The following SLIT1 variants were observed in gnomAD, a reference collection of about 807,000 sequenced individuals.
SLIT1 encodes the protein slit guidance ligand 1.
A neutral mutation model predicts 186.1 loss-of-function variants in SLIT1; 66 were observed. That is an observed-to-expected ratio of 0.35 (90% confidence interval 0.29 to 0.44). The LOEUF (loss-of-function observed/expected upper bound fraction) is 0.44, where lower values mean the gene tolerates loss of function less well. Ranked by LOEUF, SLIT1 falls within the 20% of genes least tolerant of loss-of-function variation. The pLI, the probability that SLIT1 is intolerant of heterozygous loss-of-function variation, is 1.00. For synonymous variants in SLIT1, 761 were observed against 833.8 expected (o/e 0.91, Z 1.50); for missense variants, 1,638 against 2,037.4 (o/e 0.80, Z 3.77).
rs765873383 is a variant in SLIT1 at position 97,046,511 on chromosome 10, A to G, written c.1853+143T>C. ...GTTGCCAACTTGATTACCTGTCCCA[A>G]CACAGTCAGGATCCTCAGTTCTCCC... On this transcript the variant is annotated intron_variant, in intron 18 of 36. Coordinates refer to ENST00000266058, the MANE Select transcript of SLIT1 (RefSeq NM_003061.3). 3.5e-4 allele frequency: 281 copies of G among 810,810 alleles called. 4 individuals carry two copies. The highest frequency in any genetic ancestry group is 2.4e-4 in the Admixed American group (8 of 34,000). The allele number at this position is 810,810 out of a possible 1,614,324, so 50.2% of individuals were successfully genotyped here. A position where few individuals can be genotyped will look rare whatever the true frequency, so the allele number is the denominator to read the frequency against.
intron 22 of SLIT1, 94 bp from the exon 23 acceptor site, chr10:97,034,636 C>T: frequency 1.7e-6 from 2 of 1,160,894 alleles, no homozygotes; most frequent in Non-Finnish European, 2.6e-6. Flanking sequence ...CTGCCCAGGG[C>T]CATTCCCCAG....
At chr10:97,072,869 A>C (rs936044369) in intron 4 of SLIT1, among the ~76,000 whole-genome samples, 3 of 152,164 alleles carry the variant, frequency 2.0e-5, no homozygotes, top group Admixed American at 6.5e-5. Flanking sequence ...CCTATTTGTA[A>C]AATAACTACC....
In SLIT1 at chr10:97,184,063, CCATCTAGATTG is replaced by C. The variant is rs1850379009; in HGVS notation, c.197+1404_197+1414del. On this transcript the variant is annotated intron_variant, in intron 1 of 36. Transcript: ENST00000266058. This position sits in a 1 kb window ranked among gnomAD's most constrained non-coding sequence, Gnocchi z 4.4. ...ACACACACACACACACACACACTTC[CCATCTAGATTG>C]CATCTAGATTGCAAATTCTCTAAAA... Among the ~76,000 whole-genome samples the C allele has an allele frequency of 1.3e-5, 2 of 148,598 alleles. No homozygotes were observed. The highest frequency in any genetic ancestry group is 3.0e-5 in the Non-Finnish European group (2 of 67,168).
intron 4 of SLIT1, among the ~76,000 whole-genome samples, chr10:97,081,948 C>G (rs112846990): frequency 1.3e-5 from 2 of 152,334 alleles, no homozygotes; most frequent in African/African-American, 2.4e-5. Flanking sequence ...GTCTACTCAG[C>G]TCTTCTTTCT....
intron 23 of SLIT1, among the ~76,000 whole-genome samples, chr10:97,033,913 G>A (rs1330140834): frequency 2.1e-5 from 3 of 145,306 alleles, no homozygotes; most frequent in African/African-American, 7.8e-5. Flanking sequence ...CACCCAGGCT[G>A]GAGTGCAATG....
At chr10:97,049,922 C>T (rs538675737) in intron 13 of SLIT1, among the ~76,000 whole-genome samples, 16 of 152,180 alleles carry the variant, frequency 1.1e-4, no homozygotes, top group Non-Finnish European at 1.9e-4. Flanking sequence ...CTGGCATGCC[C>T]ACGGGTGGGC....
At chr10:97,077,339 C>A (rs180848985) in intron 4 of SLIT1, among the ~76,000 whole-genome samples, 1 of 152,100 alleles carries the variant, frequency 6.6e-6, no homozygotes, top group African/African-American at 2.4e-5. Flanking sequence ...GGCTTGGCTG[C>A]GGTCCTTTGA....
chr10:97,171,714 G>C (rs1179876736), intron 1 of SLIT1, among the ~76,000 whole-genome samples: 2 of 152,052 alleles, frequency 1.3e-5, no homozygotes, highest in African/African-American at 4.8e-5. Context: ...AGCCACTTGG[G>C]AGGCTGAGAC....
chr10:97,103,351 T>C (rs946163770), intron 4 of SLIT1: 6 of 152,054 alleles, frequency 3.9e-5, no homozygotes, highest in South Asian at 2.1e-4. Context: ...CATGCTGGAG[T>C]TGGGGCCACA....
At chr10:97,046,901 C>G (rs1259806330) in intron 17 of SLIT1, 90 bp downstream of exon 17, 2 of 1,572,216 alleles carry the variant, frequency 1.3e-6, no homozygotes, top group Non-Finnish European at 1.7e-6. Flanking sequence ...CCTGGCCCCC[C>G]GCCGTGGGAG....
At chr10:97,035,548 G>A (rs1266162319) in intron 22 of SLIT1, among the ~76,000 whole-genome samples, 1 of 152,136 alleles carries the variant, frequency 6.6e-6, no homozygotes, top group African/African-American at 2.4e-5. Context: ...CTGAGCCAGC[G>A]TCCTCTCTCT....
rs1411663173 is a variant in SLIT1, at chr10:97,179,796, A to ACC, written c.197+5680_197+5681dup. On this transcript the variant is annotated intron_variant, in intron 1 of 36. Coordinates refer to ENST00000266058, the MANE Select transcript of SLIT1 (RefSeq NM_003061.3). ...TCAAAAAGAGGAGCCAATTCTCCAC[A>ACC]CCCTCCCCGCCCCCCGGCACAGCCC... is the stretch of plus-strand genomic sequence containing the variant. 4.7e-3 allele frequency among the ~76,000 whole-genome samples: 481 copies of ACC among 102,588 alleles called. 5 individuals carry two copies. Among genetic ancestry groups the ACC allele is most frequent in the Middle Eastern group, 0.012 (2 of 168 alleles). The allele number at this position is 102,588 out of a possible 152,430, so 67.3% of individuals were successfully genotyped here.
Position 97,021,433 on chromosome 10 carries a change from A to T in SLIT1, c.2583-20T>A, listed in dbSNP as rs1367855089. The T allele has an allele frequency of 1.2e-6, 2 of 1,607,410 alleles. 1 individual carries two copies. Reference sequence around the variant, plus strand: ...ATGGCCCTGAGCAGAAAGCAGAGAGAAGCAGGCATTACAGCTTCATGGGGT... The same window carrying T: ...ATGGCCCTGAGCAGAAAGCAGAGAGTAGCAGGCATTACAGCTTCATGGGGT... On this transcript the variant is annotated intron_variant, in intron 25 of 36. Coordinates refer to ENST00000266058, the MANE Select transcript of SLIT1 (RefSeq NM_003061.3). This position sits in a 1 kb window ranked among gnomAD's most constrained non-coding sequence, Gnocchi z 4.5.
intron 28 of SLIT1, among the ~76,000 whole-genome samples, chr10:97,016,534 T>C (rs1848456518): frequency 6.6e-6 from 1 of 152,156 alleles, no homozygotes; most frequent in Non-Finnish European, 1.5e-5. Flanking sequence ...AAGCTGGGAC[T>C]ATAGGCATTC....
In SLIT1 at chr10:97,043,903, A is replaced by G. The variant is rs1023481765; in HGVS notation, c.1854-390T>C. Reference sequence around the variant, plus strand: ...ACTCTCCAGCTTAAAGTCCACTAACAGCCTCCAAACTGCCCACCGAGTCAT... The same window carrying G: ...ACTCTCCAGCTTAAAGTCCACTAACGGCCTCCAAACTGCCCACCGAGTCAT... On this transcript the variant is annotated intron_variant, in intron 18 of 36. Coordinates refer to ENST00000266058, the MANE Select transcript of SLIT1 (RefSeq NM_003061.3). The surrounding 1 kb of genome is among the most constrained non-coding windows in gnomAD (Gnocchi z 7.0). Among the ~76,000 whole-genome samples, 1 of 151,964 alleles carries G rather than the reference A, an allele frequency of 6.6e-6. No individual in the cohort carries two copies. The highest frequency in any genetic ancestry group is 1.5e-5 in the Non-Finnish European group (1 of 67,962).
At chr10:97,172,885 C>A (rs1474716007) in intron 1 of SLIT1, among the ~76,000 whole-genome samples, 1 of 150,938 alleles carries the variant, frequency 6.6e-6, no homozygotes, top group Non-Finnish European at 1.5e-5. Flanking sequence ...GAGAGCAAGA[C>A]CCTGTTGAAA....
At chr10:97,078,359 T>G (rs546033341) in intron 4 of SLIT1, among the ~76,000 whole-genome samples, 1 of 152,080 alleles carries the variant, frequency 6.6e-6, no homozygotes, top group South Asian at 2.1e-4. Context: ...AGCCCCCTCC[T>G]TCTCCCTCCA....
At position 97,185,879 on chromosome 10, in the gene SLIT1, A is replaced by AG; in HGVS notation, c.-206dup. ...GACGGAGGGAGGGCGCCTTGGGCGG[A>AG]GGGGGCTCGGCTCCTCTGCCGTTTC... On this transcript the variant is annotated 5_prime_UTR_variant, in exon 1 of 37. Transcript: ENST00000266058. The AG allele has an allele frequency of 2.0e-6, 1 of 503,394 alleles. No individual in the cohort carries two copies. The allele number at this position is 503,394 out of a possible 1,614,324, so 31.2% of individuals were successfully genotyped here.
chr10:97,179,754 G>A (rs1041354971), intron 1 of SLIT1, among the ~76,000 whole-genome samples: 1 of 152,172 alleles, frequency 6.6e-6, no homozygotes, highest in Admixed American at 6.5e-5. Flanking sequence ...AAGGAGAGGA[G>A]GGGGTCATGA....
Sources: gnomAD v4.1 joint callset for allele counts (sites outside exome capture counted in the v4.1 genomes callset) on GRCh38, gnomAD v4.1.1 for gene constraint, Gnocchi (gnomAD v3.1) non-coding constraint, MANE v1.5 for transcripts, NCBI Gene and HGNC (gene_info 2026-07-23, HGNC 2026-07-21) for gene names.